The following SLC17A1 variants were observed in gnomAD, a reference collection of about 807,000 sequenced individuals.
SLC17A1 encodes solute carrier family 17 member 1.
Under a neutral mutation model 53.5 loss-of-function variants are expected in SLC17A1, and 51 were observed. The ratio of observed to expected loss-of-function variants is 0.95; its 90% confidence interval spans 0.76 to 1.20. The LOEUF is 1.20. Ranked by LOEUF, SLC17A1 falls within the 50% of genes most tolerant of loss-of-function variation. The pLI, the probability that SLC17A1 is intolerant of heterozygous loss-of-function variation, is 0.00. For synonymous variants in SLC17A1, 179 were observed against 198.8 expected, an observed-to-expected ratio of 0.90 and a Z score of 0.84; for missense variants, 538 against 568.2, an observed-to-expected ratio of 0.95 and a Z score of 0.54.
the SLC17A1 span, among the ~76,000 whole-genome samples, chr6:25,753,353 G>GA: frequency 6.6e-6 from 1 of 152,148 alleles, no homozygotes; most frequent in Non-Finnish European, 1.5e-5. Context: ...GCACCTTCAG[G>GA]AAGGTGAATT....
the SLC17A1 span, among the ~76,000 whole-genome samples, chr6:25,759,568 T>G: frequency 6.6e-6 from 1 of 152,234 alleles, no homozygotes; most frequent in Non-Finnish European, 1.5e-5. Context: ...CTTTTTCAAC[T>G]GCTGTTGCTT....
At chr6:25,726,038 A>G in the SLC17A1 span, 1 of 1,160,220 alleles carries the variant, frequency 8.6e-7, no homozygotes, top group Non-Finnish European at 1.2e-6. Context: ...AACGTTTTGT[A>G]ACGTACAGCC....
chr6:25,812,220 C>T (rs1214073589), intron 8 of SLC17A1, among the ~76,000 whole-genome samples: 1 of 152,146 alleles, frequency 6.6e-6, no homozygotes, highest in Non-Finnish European at 1.5e-5. Flanking sequence ...GGTATGCCAG[C>T]CCCTAGGCTG....
chr6:25,758,042 C>T, the SLC17A1 span, among the ~76,000 whole-genome samples: 1 of 152,212 alleles, frequency 6.6e-6, no homozygotes, highest in East Asian at 1.9e-4. Flanking sequence ...CCTCTGCTGC[C>T]GTGGGACGTA....
chr6:25,804,727 A>C (rs919426331), intron 10 of SLC17A1, among the ~76,000 whole-genome samples: 1 of 152,134 alleles, frequency 6.6e-6, no homozygotes, highest in Non-Finnish European at 1.5e-5. Flanking sequence ...AGTGAGCAGG[A>C]GTAGCTATTC....
At chr6:25,725,018 A>AGTTTT in the SLC17A1 span, among the ~76,000 whole-genome samples, 797 of 142,050 alleles carry the variant, frequency 5.6e-3, 9 homozygotes, top group East Asian at 0.025. Flanking sequence ...TAACCAAATG[A>AGTTTT]TTTTTTTTTT....
intron 3 of SLC17A1, among the ~76,000 whole-genome samples, chr6:25,824,519 A>G (rs761779353): frequency 6.6e-6 from 1 of 152,034 alleles, no homozygotes; most frequent in South Asian, 2.1e-4. Context: ...TAACATATAG[A>G]TACATAAAAT....
chr6:25,724,937 T>G, the SLC17A1 span, among the ~76,000 whole-genome samples: 1 of 152,000 alleles, frequency 6.6e-6, no homozygotes, highest in Non-Finnish European at 1.5e-5. Flanking sequence ...TTTTATTTTA[T>G]AGAACTTTAC....
chr6:25,786,125 C>G (rs532154264), intron 12 of SLC17A1, among the ~76,000 whole-genome samples: 1 of 152,220 alleles, frequency 6.6e-6, no homozygotes, highest in South Asian at 2.1e-4. Context: ...GCCATACAGT[C>G]GAATACTACT....
At chr6:25,822,165 T>G (rs1336608772) in intron 3 of SLC17A1, among the ~76,000 whole-genome samples, 1 of 152,228 alleles carries the variant, frequency 6.6e-6, no homozygotes, top group East Asian at 1.9e-4. Context: ...TCTTCTTTTC[T>G]ATAATCAGTG....
chr6:25,726,791 C>A, the SLC17A1 span: 3 of 1,310,210 alleles, frequency 2.3e-6, no homozygotes, highest in Non-Finnish European at 3.2e-6. Flanking sequence ...GTTTACTTGG[C>A]GAGACTTGGA....
chr6:25,732,052 A>G, the SLC17A1 span: 1 of 1,299,946 alleles, frequency 7.7e-7, no homozygotes, highest in Non-Finnish European at 1.0e-6. Context: ...TAAATAGAAT[A>G]GCTCTCTTTG....
At chr6:25,806,591 G>T (rs560484405) in intron 10 of SLC17A1, among the ~76,000 whole-genome samples, 13 of 151,894 alleles carry the variant, frequency 8.6e-5, no homozygotes, top group Admixed American at 8.5e-4. Context: ...CAAAACCTAG[G>T]AAAAACTCTT....
the SLC17A1 span, among the ~76,000 whole-genome samples, chr6:25,730,776 T>G: frequency 6.6e-6 from 1 of 151,992 alleles, no homozygotes; most frequent in Non-Finnish European, 1.5e-5. Flanking sequence ...AATAGTTGGG[T>G]GGAGAGTGGT....
the SLC17A1 span, among the ~76,000 whole-genome samples, chr6:25,733,660 G>T: frequency 6.6e-6 from 1 of 151,674 alleles, no homozygotes; most frequent in Non-Finnish European, 1.5e-5. Context: ...TTAGCCTTTG[G>T]TTTGAGATAT....
intron 6 of SLC17A1, among the ~76,000 whole-genome samples, chr6:25,817,770 A>C (rs1764408041): frequency 6.6e-6 from 1 of 152,222 alleles, no homozygotes; most frequent in Non-Finnish European, 1.5e-5. Context: ...TTTGTAATTC[A>C]AAACAGGTCT....
chr6:25,732,622 TG>T, the SLC17A1 span: 1 of 1,143,110 alleles, frequency 8.7e-7, no homozygotes, highest in Non-Finnish European at 1.3e-6. Context: ...TCCGACACCC[TG>T]GAGTTGGCGG....
chr6:25,727,399 G>GTTTTAT, the SLC17A1 span: 4 of 684,460 alleles, frequency 5.8e-6, no homozygotes, highest in South Asian at 1.1e-4. Context: ...AACCGTAAGG[G>GTTTTAT]TTTTTTTTTT....
the SLC17A1 span, among the ~76,000 whole-genome samples, chr6:25,766,311 G>C: frequency 2.6e-5 from 4 of 151,970 alleles, no homozygotes; most frequent in African/African-American, 9.7e-5. Context: ...ATATATTCTA[G>C]TAGTTTCACT....
Sources: allele counts gnomAD v4.1 joint callset (sites outside exome capture counted in the v4.1 genomes callset), GRCh38; gene constraint gnomAD v4.1.1; transcripts MANE v1.5; gene names NCBI Gene and HGNC (gene_info 2026-07-23, HGNC 2026-07-21).